The following PKHD1L1 variants were observed in gnomAD, a reference collection of about 807,000 sequenced individuals.
PKHD1L1 encodes PKHD1 like 1, also known as fibrocystin-L.
In PKHD1L1, 434 loss-of-function variants were observed where a neutral mutation model predicts 462.9. The observed-to-expected ratio is 0.94, with a 90% CI of 0.87 to 1.02. PKHD1L1 has a LOEUF of 1.02. Among genes scored for constraint, PKHD1L1 ranks in the 50% least tolerant of loss-of-function variants. The probability of loss-of-function intolerance (pLI) is 0.00; values close to 1 mark genes in which losing one functional copy is unlikely to be tolerated. For synonymous variants in PKHD1L1, 1,781 were observed against 1,750.0 expected (o/e 1.02, Z -0.44); for missense variants, 5,202 against 5,096.1 (o/e 1.02, Z -0.63).
intron 50 of PKHD1L1, among the ~76,000 whole-genome samples, chr8:109,473,777 G>T (rs1466560316): frequency 6.6e-6 from 1 of 152,062 alleles, no homozygotes; most frequent in Non-Finnish European, 1.5e-5. Context: ...TCAATATAAG[G>T]CTTTGCTTCT....
chr8:109,472,990 C>A (rs973743796), intron 50 of PKHD1L1, among the ~76,000 whole-genome samples: 4 of 151,744 alleles, frequency 2.6e-5, no homozygotes, highest in Non-Finnish European at 4.4e-5. Flanking sequence ...AAAGTTATAC[C>A]AGATGGCAAA....
chr8:109,362,980 T>G (rs891275788), intron 1 of PKHD1L1, among the ~76,000 whole-genome samples: 1 of 150,442 alleles, frequency 6.6e-6, no homozygotes, highest in African/African-American at 2.5e-5. Context: ...GGCGGGGGAG[T>G]GGGGACTGGG....
In PKHD1L1 at chr8:109,449,772, G is replaced by T. The variant is rs78857968; in HGVS notation, c.6175+285G>T. Among the ~76,000 whole-genome samples the T allele has an allele frequency of 4.5e-4, 69 of 152,282 alleles. No homozygotes were observed. The East Asian group carries it at 0.012, about 27-fold the overall frequency. ...ATACCAAATGGAGAACACATTTTTA[G>T]TTCCCATTAGAGTATTAGGATTCCA... is the stretch of plus-strand genomic sequence containing the variant. On this transcript the variant is annotated intron_variant, in intron 40 of 77. Transcript: ENST00000378402.
Position 109,510,867 on chromosome 8 carries a change from A to G in PKHD1L1, c.11486A>G (p.Glu3829Gly), listed in dbSNP as rs1326779151. ...HSIVALNKSY[E>G]VYFTGTSPQN... ...ATTGTGGCTCTGAACAAATCTTATG[A>G]AGTTTACTTCACTGGCACCAGTCCT... Residue 3829 changes from glutamate (E) to glycine (G), a missense_variant, in exon 71 of 78, where the codon GAA (glutamate) becomes GGA (glycine). Physicochemically the swap from Glu to Gly is moderately conservative, Grantham distance 98 (BLOSUM62 -2). Coordinates refer to ENST00000378402, the MANE Select transcript of PKHD1L1 (RefSeq NM_177531.6). The G allele has an allele frequency of 6.2e-7, 1 of 1,613,246 alleles. No individual in the cohort carries two copies. Among genetic ancestry groups the G allele is most frequent in the Non-Finnish European group, 8.5e-7 (1 of 1,179,516 alleles).
At chr8:109,393,663 A>G (rs1002985113) in intron 9 of PKHD1L1, among the ~76,000 whole-genome samples, 3 of 152,146 alleles carry the variant, frequency 2.0e-5, no homozygotes, top group African/African-American at 7.2e-5. Flanking sequence ...CCACTTACTC[A>G]CTGTGCGATC....
chr8:109,508,247 A>G lies in PKHD1L1; in HGVS notation c.11378A>G (p.Tyr3793Cys), dbSNP rs1255587624. The change falls in exon 70 of 78, where the codon TAT becomes TGT. Residue 3793 changes from tyrosine to cysteine, a missense_variant. Tyr to Cys is a radical substitution (Grantham distance 194). Coordinates refer to ENST00000378402, the MANE Select transcript of PKHD1L1 (RefSeq NM_177531.6). Reference protein sequence around the residue: ...LSPVAIMGNGYVDLINGPQDH... With the variant: ...LSPVAIMGNGCVDLINGPQDH... ...CCAGTGGCTATAATGGGCAACGGTT[A>G]TGTTGATCTTATTAATGGTAGGTAT... The G allele has an allele frequency of 3.7e-6, 6 of 1,606,358 alleles. No homozygotes were observed. The highest frequency in any genetic ancestry group is 5.1e-6 in the Non-Finnish European group (6 of 1,177,478).
At chr8:109,402,930 A>G (rs1813348606) in intron 14 of PKHD1L1, among the ~76,000 whole-genome samples, 1 of 151,846 alleles carries the variant, frequency 6.6e-6, no homozygotes, top group East Asian at 1.9e-4. Context: ...TTCTGCTTTC[A>G]CTTCTTTAGA....
chr8:109,388,957 T>C, intron 7 of PKHD1L1, 122 bp from the exon 8 acceptor site: 1 of 604,354 alleles, frequency 1.7e-6, no homozygotes, highest in Non-Finnish European at 2.7e-6. Flanking sequence ...GAAATTTTGG[T>C]TGTAGCAACA....
chr8:109,421,656 G>C (rs771382337), intron 23 of PKHD1L1, among the ~76,000 whole-genome samples: 2 of 152,080 alleles, frequency 1.3e-5, no homozygotes, highest in Admixed American at 6.6e-5. Context: ...TGGTGGCGGG[G>C]GCCTGTAGTC....
intron 6 of PKHD1L1, among the ~76,000 whole-genome samples, chr8:109,387,884 G>T (rs914112954): frequency 6.6e-6 from 1 of 152,118 alleles, no homozygotes; most frequent in Non-Finnish European, 1.5e-5. Context: ...TCAGTCACCT[G>T]CCAGCCTCCA....
At chr8:109,417,646 C>G (rs1396949998) in intron 21 of PKHD1L1, among the ~76,000 whole-genome samples, 1 of 152,130 alleles carries the variant, frequency 6.6e-6, no homozygotes, top group Non-Finnish European at 1.5e-5. Context: ...CAGGTTCAAG[C>G]AATTCTCCTG....
chr8:109,365,492 T>G (rs143162444), intron 2 of PKHD1L1, among the ~76,000 whole-genome samples: 63 of 152,286 alleles, frequency 4.1e-4, no homozygotes, highest in African/African-American at 1.5e-3. Context: ...AAACAATATA[T>G]TTTGGATTAA....
intron 50 of PKHD1L1, among the ~76,000 whole-genome samples, chr8:109,469,072 T>C (rs531936052): frequency 1.3e-5 from 2 of 152,144 alleles, no homozygotes; most frequent in African/African-American, 2.4e-5. Flanking sequence ...AGCACTCTGA[T>C]TCCTCTGCCC....
rs758618338 is a variant in PKHD1L1, at chr8:109,464,967, A to ATG, written c.8136_8137insGT (p.Leu2713ValfsTer25). On this transcript the variant is annotated frameshift_variant, in exon 49 of 78. Transcript: ENST00000378402. LOFTEE classifies it high-confidence loss of function. Reference sequence around the variant, plus strand: ...ATTAAAAATGCCAAAATAGTCGGCCATCTTGATGAACTGGGAATGGGGTCT... The same window carrying ATG: ...ATTAAAAATGCCAAAATAGTCGGCCATGTCTTGATGAACTGGGAATGGGGTCT... 2 of 1,613,868 alleles carry ATG rather than the reference A, an allele frequency of 1.2e-6. No homozygotes were observed. The highest frequency in any genetic ancestry group is 2.2e-5 in the South Asian group (2 of 91,088).
At chr8:109,377,657 C>T (rs535637420) in intron 2 of PKHD1L1, among the ~76,000 whole-genome samples, 13 of 152,112 alleles carry the variant, frequency 8.5e-5, no homozygotes, top group Admixed American at 1.3e-4. Flanking sequence ...TTTATTTCCT[C>T]GTTCAACTTT....
At position 109,420,492 on chromosome 8, in the gene PKHD1L1, C is replaced by A. The variant is rs899441022; in HGVS notation, c.2525-26C>A. The A allele has an allele frequency of 2.8e-6, 4 of 1,439,252 alleles. No individual in the cohort carries two copies. The African/African-American group carries it at 5.9e-5, about 21-fold the overall frequency. The allele number at this position is 1,439,252 out of a possible 1,614,324, so 89.2% of individuals were successfully genotyped here. Reference sequence around the variant, plus strand: ...AAACCACAGTTACTTTTACACCAACCTAATATTTTTATTTATATTCTTTAG... The same window carrying A: ...AAACCACAGTTACTTTTACACCAACATAATATTTTTATTTATATTCTTTAG... On this transcript the variant is annotated intron_variant, in intron 22 of 77. Transcript: ENST00000378402.
intron 9 of PKHD1L1, among the ~76,000 whole-genome samples, chr8:109,393,705 A>C (rs1186157546): frequency 2.6e-5 from 4 of 152,258 alleles, no homozygotes; most frequent in East Asian, 1.9e-4. Flanking sequence ...TATCTACCTC[A>C]TGTGGTTGAT....
chr8:109,492,401 C>T (rs1023037063), intron 62 of PKHD1L1, among the ~76,000 whole-genome samples: 6 of 151,816 alleles, frequency 4.0e-5, no homozygotes, highest in Admixed American at 1.3e-4. Context: ...CTTCTTGTTT[C>T]CCATGGAGTT....
chr8:109,433,681 C>G lies in PKHD1L1; in HGVS notation c.3340+465C>G, dbSNP rs78475660. Among the ~76,000 whole-genome samples, 975 of 152,280 alleles carry G rather than the reference C, an allele frequency of 6.4e-3. 9 individuals are homozygous for G. The highest frequency in any genetic ancestry group is 0.022 in the African/African-American group (921 of 41,564). ...TTAAAGATCATTCAAATTTTTTTAACATCTTGAAATAGTGAAGGCCATAGT... is the reference window on the plus strand; with the variant it reads ...TTAAAGATCATTCAAATTTTTTTAAGATCTTGAAATAGTGAAGGCCATAGT... On this transcript the variant is annotated intron_variant, in intron 28 of 77. Coordinates refer to ENST00000378402, the MANE Select transcript of PKHD1L1 (RefSeq NM_177531.6).
Sources: allele counts gnomAD v4.1 joint callset (sites outside exome capture counted in the v4.1 genomes callset), GRCh38; gene constraint gnomAD v4.1.1; transcripts MANE v1.5; gene names NCBI Gene and HGNC (gene_info 2026-07-23, HGNC 2026-07-21).